SHISA9: variants seen among roughly 807,000 people sequenced by gnomAD.
SHISA9 encodes shisa family member 9, also known as protein shisa-9.
In SHISA9, 13 loss-of-function variants were observed where a neutral mutation model predicts 38.0. The observed-to-expected ratio is 0.34, with a 90% CI of 0.22 to 0.54. The LOEUF is 0.54. SHISA9 is among the 20% of genes least tolerant of loss of function. SHISA9 has a pLI of 0.91. For synonymous variants in SHISA9, 275 were observed against 242.0 expected (o/e 1.14, Z -1.27); for missense variants, 538 against 575.8 (o/e 0.93, Z 0.67).
At chr16:13,096,442 C>T (rs953852671) in intron 2 of SHISA9, among the ~76,000 whole-genome samples, 1 of 152,172 alleles carries the variant, frequency 6.6e-6, no homozygotes, top group Admixed American at 6.5e-5. Context: ...AATGTAGGCT[C>T]TTGTGGGGCA....
intron 2 of SHISA9, among the ~76,000 whole-genome samples, chr16:13,179,145 G>C (rs2050756654): frequency 1.3e-5 from 2 of 152,054 alleles, no homozygotes; most frequent in South Asian, 4.1e-4. Flanking sequence ...GCAAAACCCT[G>C]CCTCTACTAA....
rs141491819 is a variant in SHISA9, at chr16:13,072,979, C to G, written c.692-130415C>G. Among the ~76,000 whole-genome samples the G allele has an allele frequency of 5.5e-3, 841 of 152,242 alleles. 6 individuals carry two copies. Among genetic ancestry groups the G allele is most frequent in the African/African-American group, 0.019 (799 of 41,560 alleles). ...CCTGGCCTTATTTTATGTTTTGAGA[C>G]AAGGTCTTGCTACTTTGCCCAGGCT... On this transcript the variant is annotated intron_variant, in intron 2 of 4. Coordinates refer to ENST00000558583, the MANE Select transcript of SHISA9 (RefSeq NM_001145204.3).
intron 2 of SHISA9, 61 bp from the exon 3 acceptor site, chr16:13,203,333 G>A: frequency 7.2e-7 from 1 of 1,395,558 alleles, no homozygotes; most frequent in Non-Finnish European, 9.4e-7. Flanking sequence ...GTGGTGATGG[G>A]AGGGAAGGTA....
intron 2 of SHISA9, among the ~76,000 whole-genome samples, chr16:12,927,479 G>T (rs572187419): frequency 6.6e-6 from 1 of 152,208 alleles, no homozygotes; most frequent in Admixed American, 6.5e-5. Flanking sequence ...GCTCACTGCA[G>T]TGTTACCCTC....
Position 13,088,899 on chromosome 16 carries a change from G to T in SHISA9, c.692-114495G>T, listed in dbSNP as rs571499254. On this transcript the variant is annotated intron_variant, in intron 2 of 4. Transcript: ENST00000558583. ...TTCTTGCCTTGTGCCAGTTTTCAAAGGGAATGCTTCCACTTTTTGCCCATT... is the reference window on the plus strand; with the variant it reads ...TTCTTGCCTTGTGCCAGTTTTCAAATGGAATGCTTCCACTTTTTGCCCATT... 3.3e-5 allele frequency among the ~76,000 whole-genome samples: 5 copies of T among 152,182 alleles called. No individual in the cohort carries two copies. The East Asian group carries it at 5.8e-4, about 18-fold the overall frequency.
intron 2 of SHISA9, among the ~76,000 whole-genome samples, chr16:13,023,546 T>G (rs989931561): frequency 3.9e-5 from 6 of 152,200 alleles, no homozygotes; most frequent in Admixed American, 3.9e-4. Flanking sequence ...GTAATGGGAT[T>G]GCTGGGTCAA....
chr16:13,516,797 C>CAAAAA, the SHISA9 span, among the ~76,000 whole-genome samples: 4 of 144,306 alleles, frequency 2.8e-5, no homozygotes, highest in African/African-American at 1.0e-4. Context: ...GATTCCATCC[C>CAAAAA]AAAAAAAAAA....
chr16:12,916,053 A>G (rs1383018425), intron 1 of SHISA9, among the ~76,000 whole-genome samples: 1 of 124,040 alleles, frequency 8.1e-6, no homozygotes, highest in Non-Finnish European at 1.6e-5. Flanking sequence ...TCTAATCATG[A>G]AGGTCACTGT....
At chr16:12,969,747 C>G (rs984362909) in intron 2 of SHISA9, among the ~76,000 whole-genome samples, 1 of 152,094 alleles carries the variant, frequency 6.6e-6, no homozygotes, top group Non-Finnish European at 1.5e-5. Flanking sequence ...ACTCTATCCC[C>G]ACGCCCTCCC....
chr16:13,108,253 C>G (rs140562165), intron 2 of SHISA9, among the ~76,000 whole-genome samples: 109 of 152,106 alleles, frequency 7.2e-4, no homozygotes, highest in African/African-American at 2.5e-3. Context: ...CTCACCTTTT[C>G]GAGTAGCTGA....
chr16:13,439,299 A>G, the SHISA9 span, among the ~76,000 whole-genome samples: 1 of 152,148 alleles, frequency 6.6e-6, no homozygotes, highest in African/African-American at 2.4e-5. Flanking sequence ...CCAGTCTCTA[A>G]GGTACAGCAT....
the SHISA9 span, among the ~76,000 whole-genome samples, chr16:13,462,964 A>AAAAT: frequency 0.32 from 47,400 of 149,856 alleles, 7,941 homozygotes; most frequent in South Asian, 0.52. Context: ...TCCATCTTAA[A>AAAAT]AAATAAATAA....
intron 2 of SHISA9, among the ~76,000 whole-genome samples, chr16:12,940,041 G>C (rs910588618): frequency 6.6e-6 from 1 of 152,110 alleles, no homozygotes; most frequent in African/African-American, 2.4e-5. Flanking sequence ...GCAACTAAAG[G>C]TTGACCCTTC....
At chr16:13,445,270 T>G in the SHISA9 span, among the ~76,000 whole-genome samples, 1 of 152,066 alleles carries the variant, frequency 6.6e-6, no homozygotes, top group East Asian at 1.9e-4. Context: ...TGGATCCTTC[T>G]TTGCATCTCC....
intron 2 of SHISA9, among the ~76,000 whole-genome samples, chr16:12,954,092 G>A (rs2071796875): frequency 6.6e-6 from 1 of 152,196 alleles, no homozygotes; most frequent in Non-Finnish European, 1.5e-5. Context: ...CTCAGCAGAA[G>A]TGGCGAGATG....
the SHISA9 span, among the ~76,000 whole-genome samples, chr16:13,315,412 A>G: frequency 1.3e-5 from 2 of 152,180 alleles, no homozygotes; most frequent in Non-Finnish European, 2.9e-5. Context: ...AATCTTTAGT[A>G]TGTTTATAAA....
At chr16:13,448,281 G>C in the SHISA9 span, among the ~76,000 whole-genome samples, 2 of 152,218 alleles carry the variant, frequency 1.3e-5, no homozygotes, top group Non-Finnish European at 2.9e-5. Flanking sequence ...CAAAAGGCCA[G>C]ATTTCCTGGT....
chr16:13,116,691 A>T (rs183637909), intron 2 of SHISA9, among the ~76,000 whole-genome samples: 5 of 152,320 alleles, frequency 3.3e-5, no homozygotes, highest in Admixed American at 3.3e-4. Context: ...CCTGGGTTCC[A>T]ATTGCTAATC....
Position 13,099,563 on chromosome 16 carries a change from C to T in SHISA9, c.692-103831C>T, listed in dbSNP as rs537457820. 6.6e-5 allele frequency among the ~76,000 whole-genome samples: 10 copies of T among 151,934 alleles called. No homozygotes were observed. The East Asian group carries it at 9.7e-4, about 15-fold the overall frequency. ...TGGAGGGAGTGGGCAGTGAGGATAT[C>T]GGGAAGTGTTCCAAGCAGAGGGACC... On this transcript the variant is annotated intron_variant, in intron 2 of 4. Transcript: ENST00000558583.
Sources: gnomAD v4.1 joint callset for allele counts (sites outside exome capture counted in the v4.1 genomes callset) on GRCh38, gnomAD v4.1.1 for gene constraint, MANE v1.5 for transcripts, NCBI Gene and HGNC (gene_info 2026-07-23, HGNC 2026-07-21) for gene names.